Variants in ANKRD30B observed in about 807,000 individuals in gnomAD.
The protein encoded by ANKRD30B is ankyrin repeat domain-containing protein 30B.
In ANKRD30B, 144 loss-of-function variants were observed where a neutral mutation model predicts 202.2. The observed-to-expected ratio is 0.71, with a 90% confidence interval of 0.62 to 0.82. The LOEUF (loss-of-function observed/expected upper bound fraction) is 0.82. Among genes scored for constraint, ANKRD30B ranks in the 40% least tolerant of loss-of-function variants. The pLI is 0.00. For missense variants in ANKRD30B, 1,487 were observed against 1,669.1 expected (o/e 0.89, Z 1.90); for synonymous variants, 508 against 561.3 (o/e 0.91, Z 1.34).
At chr18:14,888,765 T>C in the ANKRD30B span, 1 of 1,129,696 alleles carries the variant, frequency 8.9e-7, no homozygotes, top group South Asian at 1.3e-5. Context: ...TTTTTTCCTC[T>C]TAGAGGAATC....
At chr18:14,934,089 G>T in the ANKRD30B span, among the ~76,000 whole-genome samples, 1 of 152,314 alleles carries the variant, frequency 6.6e-6, no homozygotes, top group African/African-American at 2.4e-5. Context: ...GCCATAAAAA[G>T]CAAGCAAGGG....
the ANKRD30B span, among the ~76,000 whole-genome samples, chr18:14,896,576 C>A: frequency 6.8e-6 from 1 of 146,850 alleles, no homozygotes; most frequent in Non-Finnish European, 1.5e-5. Context: ...TATTTATGTC[C>A]CAAATATATA....
the ANKRD30B span, among the ~76,000 whole-genome samples, chr18:14,904,109 ACCT>A: frequency 6.6e-6 from 1 of 152,140 alleles, no homozygotes; most frequent in East Asian, 1.9e-4. Flanking sequence ...AGCAGGGCAG[ACCT>A]CATCACATGG....
intron 1 of ANKRD30B, among the ~76,000 whole-genome samples, chr18:14,751,617 A>G (rs1913470375): frequency 6.6e-6 from 1 of 152,182 alleles, no homozygotes; most frequent in Admixed American, 6.5e-5. Context: ...CATGCATTCT[A>G]TAAATCTAAA....
At chr18:14,838,953 G>A (rs71350535) in intron 36 of ANKRD30B, among the ~76,000 whole-genome samples, 2 of 152,256 alleles carry the variant, frequency 1.3e-5, no homozygotes, top group Non-Finnish European at 2.9e-5. Flanking sequence ...CAAGAATGGG[G>A]AGTAAGAACA....
intron 30 of ANKRD30B, among the ~76,000 whole-genome samples, chr18:14,818,049 C>A (rs1463478177): frequency 3.3e-5 from 5 of 151,880 alleles, no homozygotes; most frequent in African/African-American, 4.8e-5. Flanking sequence ...GTATGTTGTA[C>A]TGAGAAATAA....
rs187852132 is a variant in ANKRD30B at position 14,773,024 on chromosome 18, A to G, written c.1329+796A>G. Reference sequence around the variant, plus strand: ...AGAATCTGTATTATTAAGGCATGCCAGTGTGTTTTCTAAGTTTTTCATTAA... The same window carrying G: ...AGAATCTGTATTATTAAGGCATGCCGGTGTGTTTTCTAAGTTTTTCATTAA... On this transcript the variant is annotated intron_variant, in intron 9 of 43. Transcript: ENST00000690538. Among the ~76,000 whole-genome samples the G allele has an allele frequency of 2.1e-3, 316 of 152,280 alleles. 3 individuals are homozygous for G. Among genetic ancestry groups the G allele is most frequent in the African/African-American group, 7.3e-3 (303 of 41,560 alleles).
intron 30 of ANKRD30B, among the ~76,000 whole-genome samples, chr18:14,820,932 G>A (rs1026291345): frequency 1.4e-4 from 22 of 152,270 alleles, no homozygotes; most frequent in African/African-American, 5.1e-4. Flanking sequence ...AGTTTCAGAA[G>A]GAATGGTACC....
At chr18:14,821,326 A>G (rs1970410425) in intron 30 of ANKRD30B, among the ~76,000 whole-genome samples, 1 of 151,794 alleles carries the variant, frequency 6.6e-6, no homozygotes, top group Non-Finnish European at 1.5e-5. Flanking sequence ...TCCTGGATTC[A>G]TTAATTTTTT....
At chr18:14,796,444 G>C (rs9676173) in intron 18 of ANKRD30B, 29 bp downstream of exon 18, 2 of 1,527,110 alleles carry the variant, frequency 1.3e-6, no homozygotes, top group Non-Finnish European at 1.8e-6. Context: ...CTTTTAATCT[G>C]TAATTAAGAA....
chr18:14,785,365 A>G (rs1427012262), intron 14 of ANKRD30B, among the ~76,000 whole-genome samples: 1 of 152,208 alleles, frequency 6.6e-6, no homozygotes, highest in African/African-American at 2.4e-5. Flanking sequence ...TAAAGGACAC[A>G]ATTAACTGTG....
At chr18:14,783,876 T>A (rs1364261628) in intron 12 of ANKRD30B, among the ~76,000 whole-genome samples, 1 of 152,048 alleles carries the variant, frequency 6.6e-6, no homozygotes, top group African/African-American at 2.4e-5. Context: ...TAAGTATATA[T>A]CCAAGCTGAT....
chr18:14,804,832 A>G (rs983455113), intron 24 of ANKRD30B, among the ~76,000 whole-genome samples: 2 of 150,930 alleles, frequency 1.3e-5, no homozygotes, highest in African/African-American at 2.5e-5. Flanking sequence ...TACTTTTGCT[A>G]AAGAAGAGAG....
At chr18:14,917,385 C>T in the ANKRD30B span, among the ~76,000 whole-genome samples, 1 of 152,166 alleles carries the variant, frequency 6.6e-6, no homozygotes, top group Non-Finnish European at 1.5e-5. Flanking sequence ...CCTGTACCCT[C>T]ACCTTCCTCT....
rs1194981216 is a variant in ANKRD30B at position 14,839,300 on chromosome 18, G to A, written c.2989-1288G>A. Among the ~76,000 whole-genome samples, 3 of 152,170 alleles carry A rather than the reference G, an allele frequency of 2.0e-5. No individual in the cohort carries two copies. In the East Asian group the frequency reaches 5.8e-4, roughly 29 times the overall value. ...TAGCACGCGTATGGGAGTGGCAGTG[G>A]AATTCCATGGTCAGAGTAGATCTTT... On this transcript the variant is annotated intron_variant, in intron 36 of 43. Transcript: ENST00000690538.
chr18:14,937,476 G>A, the ANKRD30B span, among the ~76,000 whole-genome samples: 9 of 31,348 alleles, frequency 2.9e-4, no homozygotes, highest in South Asian at 1.4e-3. Flanking sequence ...ACGTCCTCCC[G>A]CCCATGGTAA....
At chr18:14,808,981 C>G (rs1198565330) in intron 26 of ANKRD30B, among the ~76,000 whole-genome samples, 1 of 150,818 alleles carries the variant, frequency 6.6e-6, no homozygotes, top group Non-Finnish European at 1.5e-5. Context: ...GCCTGCAATG[C>G]AATGGGGCCT....
At chr18:14,939,043 G>C in the ANKRD30B span, among the ~76,000 whole-genome samples, 1 of 152,178 alleles carries the variant, frequency 6.6e-6, no homozygotes, top group Non-Finnish European at 1.5e-5. Context: ...ACGTCTGCAG[G>C]AGGAGAAAGA....
At chr18:14,877,314 TG>T in the ANKRD30B span, among the ~76,000 whole-genome samples, 1 of 118,256 alleles carries the variant, frequency 8.5e-6, no homozygotes, top group African/African-American at 3.0e-5. Context: ...AAATGATGAA[TG>T]AATGAATGAA....
Sources: allele counts gnomAD v4.1 joint callset (sites outside exome capture counted in the v4.1 genomes callset), GRCh38; gene constraint gnomAD v4.1.1; transcripts MANE v1.5; gene names NCBI Gene and HGNC (gene_info 2026-07-23, HGNC 2026-07-21).